ADGRG2: variants seen among roughly 807,000 people sequenced by gnomAD.
ADGRG2 encodes the protein adhesion G protein-coupled receptor G2, also known as G protein-coupled receptor 64.
Under a neutral mutation model 74.1 loss-of-function variants are expected in ADGRG2, and 26 were observed. That is an observed-to-expected ratio of 0.35 (90% CI 0.26 to 0.49). The LOEUF (loss-of-function observed/expected upper bound fraction) is 0.49. Ranked by LOEUF, ADGRG2 falls within the 20% of genes least tolerant of loss-of-function variation. The pLI is 0.99. For synonymous variants in ADGRG2, 296 were observed against 295.2 expected (o/e 1.00, Z -0.03); for missense variants, 619 against 763.1 (o/e 0.81, Z 2.22).
intron 1 of ADGRG2, among the ~76,000 whole-genome samples, chrX:19,085,477 T>C (rs2061922664): frequency 9.0e-6 from 1 of 110,953 alleles, no homozygotes; most frequent in Non-Finnish European, 1.9e-5. Flanking sequence ...TACAGTCACG[T>C]GCAACCATGC....
intron 1 of ADGRG2, among the ~76,000 whole-genome samples, chrX:19,112,242 T>C (rs2062425086): frequency 9.1e-6 from 1 of 110,133 alleles, no homozygotes; most frequent in African/African-American, 3.3e-5. Context: ...TGGCTAATTT[T>C]TTAATTTTCT....
rs1323937566 is a variant in ADGRG2 at position 19,010,606 on chromosome X, G to A, written c.1265+7C>T. The A allele has an allele frequency of 8.3e-7, 1 of 1,199,135 alleles. No homozygotes were observed. The highest frequency in any genetic ancestry group is 1.8e-5 in the African/African-American group (1 of 56,788). On this transcript the variant is annotated splice_region_variant and intron_variant, in intron 17 of 28. Transcript: ENST00000379869. ...TCTTACCACCACTTCAGTTTGCGAA[G>A]TCGTACCTTTGAGCCAGAGGGGCCA...
At chrX:19,091,822 C>T (rs1213830893) in intron 1 of ADGRG2, among the ~76,000 whole-genome samples, 1 of 112,246 alleles carries the variant, frequency 8.9e-6, no homozygotes, top group African/African-American at 3.2e-5. Flanking sequence ...GGCCTGTGGG[C>T]GCTAGTTTGC....
chrX:19,006,727 A>G (rs1303211145), intron 20 of ADGRG2, among the ~76,000 whole-genome samples: 1 of 108,049 alleles, frequency 9.3e-6, no homozygotes, highest in Non-Finnish European at 1.9e-5. Flanking sequence ...CTTTTGCACC[A>G]ATTCTTCCTG....
At chrX:19,036,232 C>T (rs1308268630) in intron 6 of ADGRG2, 2 of 235,869 alleles carry the variant, frequency 8.5e-6, no homozygotes, top group African/African-American at 2.9e-5. Flanking sequence ...GCAACACTCC[C>T]GTAACCATTA....
intron 3 of ADGRG2, among the ~76,000 whole-genome samples, chrX:19,049,438 G>GTTTTTTTTTTTTTTTTTTTT (rs752686975): frequency 1.1e-4 from 9 of 82,155 alleles, no homozygotes; most frequent in African/African-American, 4.6e-4. Flanking sequence ...CGTTTTTTGT[G>GTTTTTTTTTTTTTTTTTTTT]TTTTTTTTTT....
At chrX:19,044,840 C>T (rs1346058232) in intron 3 of ADGRG2, among the ~76,000 whole-genome samples, 1 of 111,854 alleles carries the variant, frequency 8.9e-6, no homozygotes, top group Non-Finnish European at 1.9e-5. Context: ...ATAGCAAAAA[C>T]TGATCCACGC....
At chrX:19,087,656 T>C (rs1243521181) in intron 1 of ADGRG2, among the ~76,000 whole-genome samples, 7 of 112,056 alleles carry the variant, frequency 6.2e-5, no homozygotes. Flanking sequence ...GCTTTCGGAA[T>C]TGCTTTGTAA....
At chrX:19,028,515 G>A (rs2060753175) in intron 9 of ADGRG2, among the ~76,000 whole-genome samples, 1 of 111,366 alleles carries the variant, frequency 9.0e-6, no homozygotes, top group Non-Finnish European at 1.9e-5. Context: ...ATAAAATAGA[G>A]ACTCCTAAAC....
At chrX:19,116,892 C>A (rs2062526324) in intron 1 of ADGRG2, among the ~76,000 whole-genome samples, 1 of 112,198 alleles carries the variant, frequency 8.9e-6, no homozygotes, top group Non-Finnish European at 1.9e-5. Flanking sequence ...TGAAATAGAA[C>A]AGATGAAAGA....
chrX:19,078,413 C>T (rs1274345114), intron 2 of ADGRG2, among the ~76,000 whole-genome samples: 3 of 110,120 alleles, frequency 2.7e-5, no homozygotes, highest in South Asian at 3.9e-4. Context: ...AAAAATTAGC[C>T]GGGCATGGTG....
Position 19,010,719 on chromosome X carries a change from C to G in ADGRG2, c.1159G>C (p.Ala387Pro). 5.8e-6 allele frequency: 7 copies of G among 1,204,159 alleles called. No homozygotes were observed. Among genetic ancestry groups the G allele is most frequent in the Non-Finnish European group, 7.9e-6 (7 of 889,413 alleles). ...LENQVLQMEK[A>P]LSLGSLEPNL... is the part of the protein sequence containing the mutation. ...GGCTCCAGGCTGCCCAAGGACAGAG[C>G]CTTCTCCATCTGCAACACTTGGTTC... The change falls in exon 17 of 29, where the codon GCT (alanine) becomes CCT (proline). Residue 387 changes from alanine (A) to proline (P), a missense_variant. Ala to Pro is a conservative substitution (Grantham distance 27). Coordinates refer to ENST00000379869, the MANE Select transcript of ADGRG2 (RefSeq NM_001079858.3).
At position 19,078,374 on chromosome X, in the gene ADGRG2, A is replaced by AC. The variant is rs200312269; in HGVS notation, c.-2+4327dup. On this transcript the variant is annotated intron_variant, in intron 2 of 28. Coordinates refer to ENST00000379869, the MANE Select transcript of ADGRG2 (RefSeq NM_001079858.3). ...AGCCCAGCCTGGGCAACAAAGTGGG[A>AC]CCCCCCCTCCATCTCTACAAAAAAA... 9.4e-3 allele frequency among the ~76,000 whole-genome samples: 1,042 copies of AC among 110,400 alleles called. 8 individuals carry two copies. The highest frequency in any genetic ancestry group is 0.029 in the African/African-American group (884 of 30,285).
chrX:19,095,962 T>A (rs1191314302), intron 1 of ADGRG2, among the ~76,000 whole-genome samples: 1 of 111,211 alleles, frequency 9.0e-6, no homozygotes, highest in Non-Finnish European at 1.9e-5. Flanking sequence ...GAGGCTGCAG[T>A]GAACAAAGAC....
Position 18,990,674 on chromosome X carries a change from G to A in ADGRG2, c.*190C>T, listed in dbSNP as rs2059906095. On this transcript the variant is annotated 3_prime_UTR_variant, in exon 29 of 29. Transcript: ENST00000379869. ...AAAGATAAGAAACCAAATCAGAAAT[G>A]TCTAAAAACCATGGTGTAATGTCTT... 1 of 315,810 alleles carries A rather than the reference G, an allele frequency of 3.2e-6. No homozygotes were observed. The highest frequency in any genetic ancestry group is 5.5e-6 in the Non-Finnish European group (1 of 182,163). 26.0% of individuals were successfully genotyped at this position (315,810 alleles called of 1,213,427 possible). A position where few individuals can be genotyped will look rare whatever the true frequency, so the allele number is the denominator to read the frequency against.
At chrX:19,096,133 A>C (rs914831611) in intron 1 of ADGRG2, among the ~76,000 whole-genome samples, 1 of 111,957 alleles carries the variant, frequency 8.9e-6, no homozygotes, top group African/African-American at 3.2e-5. Context: ...GGACCAGGCC[A>C]GGTGCGGTGG....
intron 7 of ADGRG2, 195 bp from the exon 8 acceptor site, chrX:19,033,849 G>A: frequency 3.2e-6 from 1 of 314,891 alleles, no homozygotes; most frequent in Non-Finnish European, 5.6e-6. Flanking sequence ...CACAGGGTGA[G>A]TCTGGGAGTT....
At chrX:19,078,581 AAG>A (rs2061792471) in intron 2 of ADGRG2, among the ~76,000 whole-genome samples, 2 of 111,175 alleles carry the variant, frequency 1.8e-5, no homozygotes, top group African/African-American at 6.5e-5. Context: ...TAAAAGAAAA[AAG>A]AAAATATTCG....
At chrX:19,021,812 T>C (rs1023676794) in intron 13 of ADGRG2, among the ~76,000 whole-genome samples, 1 of 109,551 alleles carries the variant, frequency 9.1e-6, no homozygotes, top group East Asian at 3.0e-4. Context: ...CACACCCCAC[T>C]AATTTTTGTA....
Sources: gnomAD v4.1 joint callset for allele counts (sites outside exome capture counted in the v4.1 genomes callset) on GRCh38, gnomAD v4.1.1 for gene constraint, MANE v1.5 for transcripts, NCBI Gene and HGNC (gene_info 2026-07-23, HGNC 2026-07-21) for gene names.